The following IL12RB2 variants were observed in gnomAD, a reference collection of about 807,000 sequenced individuals.
The protein encoded by IL12RB2 is interleukin 12 receptor subunit beta 2.
In IL12RB2, 82 loss-of-function variants were observed where a neutral mutation model predicts 89.4. The ratio of observed to expected loss-of-function variants is 0.92; its 90% confidence interval spans 0.77 to 1.10. IL12RB2 has a LOEUF of 1.10. Among genes scored for constraint, IL12RB2 ranks in the 50% least tolerant of loss-of-function variants. The pLI, the probability that IL12RB2 is intolerant of heterozygous loss-of-function variation, is 0.00. For synonymous variants in IL12RB2, 368 were observed against 370.1 expected (o/e 0.99, Z 0.07); for missense variants, 963 against 1,031.9 (o/e 0.93, Z 0.92).
At chr1:67,318,312 G>A (rs893284832) in intron 2 of IL12RB2, among the ~76,000 whole-genome samples, 19 of 152,182 alleles carry the variant, frequency 1.2e-4, no homozygotes, top group Non-Finnish European at 5.9e-5. Context: ...CAGCAGTAGG[G>A]ACCCGTTGAA....
intron 13 of IL12RB2, among the ~76,000 whole-genome samples, chr1:67,375,603 G>T (rs916628015): frequency 2.0e-5 from 3 of 152,150 alleles, no homozygotes; most frequent in Admixed American, 6.5e-5. Context: ...CCTCTTACTG[G>T]TGTTTCAGCA....
At position 67,380,000 on chromosome 1, in the gene IL12RB2, G is replaced by C. The variant is rs1345999068; in HGVS notation, c.1732G>C (p.Val578Leu). The C allele has an allele frequency of 5.6e-6, 9 of 1,611,082 alleles. No homozygotes were observed. The highest frequency in any genetic ancestry group is 1.7e-4 in the Middle Eastern group (1 of 6,054). ...QPQLCEIPYR[V>L]SQNSHPINSL... ...CTTCCTTTCAGAAATTCCCTACAGA[G>C]TCTCCCAAAATTCACATCCAATAAA... The change falls in exon 14 of 17, where the codon GTC becomes CTC. Residue 578 changes from valine to leucine, a missense_variant. By Grantham distance (32) the Val-to-Leu change is conservative. Transcript: ENST00000674203.
At chr1:67,336,824 T>C (rs944853160) in intron 8 of IL12RB2, among the ~76,000 whole-genome samples, 1 of 152,200 alleles carries the variant, frequency 6.6e-6, no homozygotes, top group Non-Finnish European at 1.5e-5. Context: ...TGATGATTAG[T>C]TCTGGGACCT....
chr1:67,341,529 G>GAA (rs368547295), intron 9 of IL12RB2, among the ~76,000 whole-genome samples: 4 of 110,690 alleles, frequency 3.6e-5, no homozygotes, highest in African/African-American at 1.3e-4. Flanking sequence ...AAAAAAGAAA[G>GAA]AGAAAGAAAG....
intron 4 of IL12RB2, among the ~76,000 whole-genome samples, chr1:67,325,223 A>G (rs532609976): frequency 2.6e-5 from 4 of 152,310 alleles, no homozygotes; most frequent in African/African-American, 9.6e-5. Context: ...CCTTTATTCT[A>G]CTTCCAGCAA....
intron 2 of IL12RB2, 80 bp from the exon 3 acceptor site, chr1:67,320,253 C>T: frequency 6.3e-7 from 1 of 1,590,530 alleles, no homozygotes; most frequent in South Asian, 1.1e-5. Flanking sequence ...TAAAGCGGCA[C>T]TTGAAGCTCT....
At chr1:67,361,438 G>A (rs1413222052) in intron 10 of IL12RB2, among the ~76,000 whole-genome samples, 1 of 152,140 alleles carries the variant, frequency 6.6e-6, no homozygotes, top group Non-Finnish European at 1.5e-5. Flanking sequence ...CCGATGGACA[G>A]GGTAATCAGA....
At chr1:67,341,219 A>G (rs935753281) in intron 9 of IL12RB2, among the ~76,000 whole-genome samples, 6 of 152,080 alleles carry the variant, frequency 3.9e-5, no homozygotes, top group Non-Finnish European at 8.8e-5. Context: ...GGAGTTTGAG[A>G]CCATCCTGGC....
At chr1:67,390,876 G>A (rs992108657) in intron 16 of IL12RB2, among the ~76,000 whole-genome samples, 20 of 152,012 alleles carry the variant, frequency 1.3e-4, no homozygotes, top group African/African-American at 4.4e-4. Flanking sequence ...ACAACTCCAG[G>A]CTCCCTTTCC....
chr1:67,309,061 C>T (rs111287731), intron 1 of IL12RB2, among the ~76,000 whole-genome samples: 49,873 of 148,014 alleles, frequency 0.34, 8,518 homozygotes, highest in African/African-American at 0.4. Context: ...TATATATATA[C>T]ACACACACAC....
Position 67,321,298 on chromosome 1 carries a change from C to T in IL12RB2, c.77-304C>T, listed in dbSNP as rs143854400. Among the ~76,000 whole-genome samples the T allele has an allele frequency of 2.7e-3, 411 of 152,118 alleles. 3 individuals are homozygous for T. Among genetic ancestry groups the T allele is most frequent in the African/African-American group, 9.6e-3 (397 of 41,502 alleles). On this transcript the variant is annotated intron_variant, in intron 3 of 16. Transcript: ENST00000674203. ...GCATATAAGAGAGGCTGGTTTTTCC[C>T]GGAACTGTGTTCCTGAATGTTCTTC... is the stretch of plus-strand genomic sequence containing the variant.
At chr1:67,335,839 T>C (rs116692828) in intron 8 of IL12RB2, among the ~76,000 whole-genome samples, 1,623 of 152,326 alleles carry the variant, frequency 0.011, 24 homozygotes, top group African/African-American at 0.037. Flanking sequence ...ATTCAACTAA[T>C]GATTTCTCTC....
intron 9 of IL12RB2, among the ~76,000 whole-genome samples, chr1:67,347,583 T>C (rs1198981428): frequency 6.6e-6 from 1 of 152,224 alleles, no homozygotes; most frequent in East Asian, 1.9e-4. Flanking sequence ...AGAGAGCTGT[T>C]CACTCTTCAG....
intron 9 of IL12RB2, among the ~76,000 whole-genome samples, chr1:67,349,354 G>T (rs1660577512): frequency 6.6e-6 from 1 of 152,194 alleles, no homozygotes; most frequent in Admixed American, 6.5e-5. Flanking sequence ...CTCTGGACTT[G>T]CAGAAGAGAC....
At chr1:67,319,742 T>A (rs990003428) in intron 2 of IL12RB2, among the ~76,000 whole-genome samples, 2 of 152,212 alleles carry the variant, frequency 1.3e-5, no homozygotes, top group African/African-American at 4.8e-5. Context: ...GTGGTCTGAA[T>A]GTTTATGTCC....
intron 8 of IL12RB2, among the ~76,000 whole-genome samples, chr1:67,333,598 A>T (rs984355193): frequency 2.6e-5 from 4 of 152,118 alleles, no homozygotes; most frequent in Non-Finnish European, 5.9e-5. Context: ...AGCTCCTATC[A>T]CTGAAAAACA....
chr1:67,376,568 G>A (rs1570137688), intron 13 of IL12RB2, among the ~76,000 whole-genome samples: 1 of 152,146 alleles, frequency 6.6e-6, no homozygotes, highest in African/African-American at 2.4e-5. Context: ...GAGGGAGCAG[G>A]ACCAGTATTT....
chr1:67,392,582 A>G (rs1314408169), intron 16 of IL12RB2, among the ~76,000 whole-genome samples: 2 of 148,756 alleles, frequency 1.3e-5, no homozygotes, highest in Non-Finnish European at 3.0e-5. Flanking sequence ...TATGAAGGCC[A>G]CTTAATTTTC....
intron 2 of IL12RB2, among the ~76,000 whole-genome samples, chr1:67,319,087 T>C (rs889925860): frequency 1.4e-4 from 21 of 152,220 alleles, no homozygotes; most frequent in Non-Finnish European, 2.6e-4. Flanking sequence ...TAGCACTTAG[T>C]GTGCCTAGCA....
Sources: allele counts gnomAD v4.1 joint callset (sites outside exome capture counted in the v4.1 genomes callset), GRCh38; gene constraint gnomAD v4.1.1; transcripts MANE v1.5; gene names NCBI Gene and HGNC (gene_info 2026-07-23, HGNC 2026-07-21).